The following ITGA2B variants were observed in gnomAD, a reference collection of about 807,000 sequenced individuals.
The protein encoded by ITGA2B is integrin alpha-IIb.
A neutral mutation model predicts 142.0 loss-of-function variants in ITGA2B; 91 were observed. That is an observed-to-expected ratio of 0.64 (90% CI 0.54 to 0.76). ITGA2B has a LOEUF of 0.76. ITGA2B is among the 30% of genes least tolerant of loss of function. The probability of loss-of-function intolerance (pLI) is 0.00; values close to 1 mark genes in which losing one functional copy is unlikely to be tolerated. For synonymous variants in ITGA2B, 536 were observed against 567.2 expected, an observed-to-expected ratio of 0.94 and a Z score of 0.78; for missense variants, 1,231 against 1,350.8, an observed-to-expected ratio of 0.91 and a Z score of 1.39.
Position 44,383,946 on chromosome 17 carries a change from T to C in ITGA2B, c.946A>G (p.Met316Val). The C allele has an allele frequency of 6.2e-7, 1 of 1,614,012 alleles. No individual in the cohort carries two copies. ...QRLHRLRGEQ[M>V]ASYFGHSVAV... ...ACTGAATGCCCAAAATACGACGCCA[T>C]CTGCAAGATGAGGAGCACCATCATT... is the stretch of plus-strand genomic sequence containing the variant. Residue 316 changes from methionine (M) to valine (V), a missense_variant and splice_region_variant, in exon 11 of 30, where the codon ATG becomes GTG. This residue lies in a region of ITGA2B where 908 missense variants were observed against 1,021.1 expected (regional missense o/e 0.89). Coordinates refer to ENST00000262407, the MANE Select transcript of ITGA2B (RefSeq NM_000419.5).
chr17:44,377,203 T>TC, intron 21 of ITGA2B, 115 bp from the exon 22 acceptor site: 1 of 841,232 alleles, frequency 1.2e-6, no homozygotes, highest in East Asian at 2.7e-5. Flanking sequence ...TTTTTCTTTT[T>TC]TTTTTTTTCC....
intron 28 of ITGA2B, 53 bp downstream of exon 28, chr17:44,374,606 G>C (rs529061996): frequency 1.9e-6 from 3 of 1,557,636 alleles, no homozygotes; most frequent in Non-Finnish European, 2.7e-6. Flanking sequence ...GGCACTGACT[G>C]GGGGACAATG....
In ITGA2B at chr17:44,380,972, G is replaced by C. The variant is rs930601510; in HGVS notation, c.1300C>G (p.Pro434Ala). 8.1e-6 allele frequency: 13 copies of C among 1,613,946 alleles called. No homozygotes were observed. The highest frequency in any genetic ancestry group is 1.1e-5 in the Non-Finnish European group (13 of 1,179,838). The part of the protein sequence containing the change: ...LGQSEGLRSR[P>A]SQVLDSPFPT... ...AAGGGGCTGTCCAGGACCTGGGAGG[G>C]ACGTGACCTCAGCCCCTCACTCTGA... The change falls in exon 13 of 30, where the codon CCC becomes GCC. Residue 434 changes from proline (P) to alanine (A), a missense_variant. Around this residue, in one of 3 missense-constraint regions of ITGA2B, gnomAD observed 908 missense variants for 1,021.1 expected, o/e 0.89. Coordinates refer to ENST00000262407, the MANE Select transcript of ITGA2B (RefSeq NM_000419.5).
At chr17:44,379,599 G>A in intron 18 of ITGA2B, 90 bp downstream of exon 18, 1 of 1,590,356 alleles carries the variant, frequency 6.3e-7, no homozygotes, top group East Asian at 2.2e-5. Context: ...TCAAGGTTTT[G>A]GGGTTCACAT....
intron 29 of ITGA2B, among the ~76,000 whole-genome samples, chr17:44,373,770 G>A (rs552635532): frequency 9.2e-5 from 14 of 152,292 alleles, no homozygotes; most frequent in African/African-American, 3.4e-4. Context: ...GAATCTTTTT[G>A]GTGGCAGGGG....
intron 18 of ITGA2B, 127 bp from the exon 19 acceptor site, chr17:44,378,837 C>A: frequency 1.3e-6 from 1 of 789,104 alleles, no homozygotes; most frequent in Non-Finnish European, 2.1e-6. Context: ...GATCTGAGGA[C>A]GAAAAGGAGT....
intron 1 of ITGA2B, among the ~76,000 whole-genome samples, chr17:44,386,747 G>T (rs1364701903): frequency 6.6e-6 from 1 of 152,218 alleles, no homozygotes; most frequent in Non-Finnish European, 1.5e-5. Context: ...CATGGTCCCA[G>T]CCAAATACAT....
chr17:44,385,077 C>A lies in ITGA2B; in HGVS notation c.671-1G>T. 6.2e-7 allele frequency: 1 copy of A among 1,614,024 alleles called. No individual in the cohort carries two copies. The highest frequency in any genetic ancestry group is 8.5e-7 in the Non-Finnish European group (1 of 1,180,008). The stretch of plus-strand genomic sequence containing the variant: ...GCAACTGGAGCCTGGGCCAGGAGAC[C>A]TAGGGCGGGAGGGACAGCGGGTGTG... On this transcript the variant is annotated splice_acceptor_variant, in intron 6 of 29. Transcript: ENST00000262407. LOFTEE classifies it high-confidence loss of function.
In ITGA2B at chr17:44,380,118, G is replaced by A; in HGVS notation, c.1636C>T (p.Pro546Ser). ...AGCAGCACCCGCCGGCCCTGGCGGG[G>A]CTTCTGCCGGTCCAGCTGCAGCTCG... ...NAELQLDRQK[P>S]RQGRRVLLLG... Residue 546 changes from proline to serine, a missense_variant, in exon 17 of 30, where the codon CCC becomes TCC. Around this residue, in one of 3 missense-constraint regions of ITGA2B, gnomAD observed 908 missense variants for 1,021.1 expected, o/e 0.89. Coordinates refer to ENST00000262407, the MANE Select transcript of ITGA2B (RefSeq NM_000419.5). 1.9e-6 allele frequency: 3 copies of A among 1,613,894 alleles called. No homozygotes were observed. Among genetic ancestry groups the A allele is most frequent in the Non-Finnish European group, 2.5e-6 (3 of 1,179,986 alleles).
rs2048534357 is a variant in ITGA2B at position 44,375,608 on chromosome 17, G to A, written c.2710C>T (p.Gln904Ter). 3 of 1,614,082 alleles carry A rather than the reference G, an allele frequency of 1.9e-6. No individual in the cohort carries two copies. Among genetic ancestry groups the A allele is most frequent in the Non-Finnish European group, 2.5e-6 (3 of 1,180,004 alleles). Reference sequence around the variant, plus strand: ...CTGCTCACTACGAGAACTGGATCCTGAAGCCTCGAGGGCTGCTCGGGCTCT... The same window carrying A: ...CTGCTCACTACGAGAACTGGATCCTAAAGCCTCGAGGGCTGCTCGGGCTCT... ...LPEPEQPSRL[Q>*]DPVLVSCDSA... Residue 904 changes from glutamine to a stop codon, truncating the protein, a stop_gained, in exon 26 of 30, where the codon CAG (glutamine) becomes TAG (stop). Transcript: ENST00000262407. LOFTEE classifies it high-confidence loss of function.
At position 44,380,464 on chromosome 17, in the gene ITGA2B, A is replaced by G. The variant is rs1287677659; in HGVS notation, c.1466T>C (p.Val489Ala). The G allele has an allele frequency of 6.2e-6, 10 of 1,614,132 alleles. No individual in the cohort carries two copies. Among genetic ancestry groups the G allele is most frequent in the Middle Eastern group, 3.3e-4 (2 of 6,062 alleles). The part of the protein sequence containing the change: ...YRAQPVVKAS[V>A]QLLVQDSLNP... ...CAGTGAATCTTGCACCAGTAGCTGGACAGAGGCCTTCACCACTGGCTGAGC... is the reference window on the plus strand; with the variant it reads ...CAGTGAATCTTGCACCAGTAGCTGGGCAGAGGCCTTCACCACTGGCTGAGC... The change falls in exon 15 of 30, where the codon GTC becomes GCC. Residue 489 changes from valine (V) to alanine (A), a missense_variant. Transcript: ENST00000262407.
At chr17:44,388,351 CTTTTTTTTTT>C (rs35720866) in intron 1 of ITGA2B, among the ~76,000 whole-genome samples, 2 of 97,362 alleles carry the variant, frequency 2.1e-5, no homozygotes, top group African/African-American at 4.6e-5. Context: ...CATTTCCTTT[CTTTTTTTTTT>C]TTTTTTTTTT....
At chr17:44,378,227 T>C (rs2048561713) in intron 20 of ITGA2B, 135 bp downstream of exon 20, 1 of 1,220,136 alleles carries the variant, frequency 8.2e-7, no homozygotes, top group South Asian at 2.1e-5. Flanking sequence ...CTCCTCCAAA[T>C]TAAAAAAAAA....
intron 12 of ITGA2B, 116 bp downstream of exon 12, chr17:44,383,377 C>T (rs1290127049): frequency 5.3e-6 from 5 of 944,812 alleles, no homozygotes; most frequent in African/African-American, 1.6e-5. Flanking sequence ...TGTGTCTAAG[C>T]CACATACTTA....
chr17:44,379,027 G>A (rs1195503245), intron 18 of ITGA2B, among the ~76,000 whole-genome samples: 1 of 150,548 alleles, frequency 6.6e-6, no homozygotes, highest in Admixed American at 6.6e-5. Flanking sequence ...CTCACTGCAA[G>A]CTCCGCCCCC....
chr17:44,384,000 G>T, intron 10 of ITGA2B, 54 bp from the exon 11 acceptor site: 1 of 1,613,816 alleles, frequency 6.2e-7, no homozygotes, highest in Non-Finnish European at 8.5e-7. Context: ...TCCTCTTTAA[G>T]AAATGGGCCC....
chr17:44,374,300 G>A, intron 29 of ITGA2B, 54 bp downstream of exon 29: 1 of 1,509,760 alleles, frequency 6.6e-7, no homozygotes, highest in Non-Finnish European at 9.2e-7. Context: ...CTGTGAGGCA[G>A]GGCAGAGCCA....
Position 44,375,019 on chromosome 17 carries a change from C to T in ITGA2B, c.2820G>A (p.Leu940=). 1 of 1,543,244 alleles carries T rather than the reference C, an allele frequency of 6.5e-7. No homozygotes were observed. The highest frequency in any genetic ancestry group is 1.2e-5 in the South Asian group (1 of 83,998). ...QRAMVTVLAF[L]WLPSLYQRPL... Reference sequence around the variant, plus strand: ...CCACCTGGTAGAGGCTGGGCAGCCACAGGAAGGCCAGCACCGTGACCATGG... The same window carrying T: ...CCACCTGGTAGAGGCTGGGCAGCCATAGGAAGGCCAGCACCGTGACCATGG... Residue 940 remains leucine (L), a synonymous_variant, in exon 27 of 30, where the codon CTG becomes CTA. Transcript: ENST00000262407.
In ITGA2B at chr17:44,381,022, C is replaced by T. The variant is rs1461035126; in HGVS notation, c.1250G>A (p.Arg417Gln). The change falls in exon 13 of 30, where the codon CGG becomes CAG. Residue 417 changes from arginine (R) to glutamine (Q), a missense_variant. Physicochemically the swap from Arg to Gln is conservative, Grantham distance 43. Coordinates refer to ENST00000262407, the MANE Select transcript of ITGA2B (RefSeq NM_000419.5). ...ACCCAGGAACACCAGCACTTGGCCC[C>T]GGCCACTGGGACCCCCGTAGGGGGC... ...VAAPYGGPSG[R>Q]GQVLVFLGQS... is the part of the protein sequence containing the mutation. 1.5e-5 allele frequency: 24 copies of T among 1,613,200 alleles called. No homozygotes were observed. The highest frequency in any genetic ancestry group is 6.7e-5 in the East Asian group (3 of 44,880).
Sources: gnomAD v4.1 joint callset for allele counts (sites outside exome capture counted in the v4.1 genomes callset) on GRCh38, gnomAD v4.1.1 for gene constraint, gnomAD v4.1.1 regional missense constraint, MANE v1.5 for transcripts, NCBI Gene and HGNC (gene_info 2026-07-23, HGNC 2026-07-21) for gene names.